Variants in METTL15 observed in about 807,000 individuals in gnomAD.
METTL15 encodes methyltransferase 15, mitochondrial 12S rRNA N4-cytidine.
Under a neutral mutation model 38.3 loss-of-function variants are expected in METTL15, and 34 were observed. The observed-to-expected ratio is 0.89, with a 90% confidence interval of 0.68 to 1.18. The LOEUF (loss-of-function observed/expected upper bound fraction) is 1.18. METTL15 is among the 50% of genes most tolerant of loss of function. The pLI is 0.00. For missense variants in METTL15, 438 were observed against 498.4 expected (o/e 0.88, Z 1.15); for synonymous variants, 162 against 170.9 (o/e 0.95, Z 0.41).
intron 3 of METTL15, among the ~76,000 whole-genome samples, chr11:28,179,716 G>C (rs370404062): frequency 9.9e-5 from 15 of 151,794 alleles, no homozygotes; most frequent in African/African-American, 3.6e-4. Context: ...TATGAATAAA[G>C]CTCATATGAA....
At chr11:28,384,477 T>G (rs898726484) in intron 5 of METTL15, among the ~76,000 whole-genome samples, 1 of 151,992 alleles carries the variant, frequency 6.6e-6, no homozygotes, top group Admixed American at 6.6e-5. Context: ...CCCGGCTAAT[T>G]TTTTTTATTT....
At chr11:28,459,572 C>T (rs1276776087) in intron 6 of METTL15, among the ~76,000 whole-genome samples, 2 of 152,152 alleles carry the variant, frequency 1.3e-5, no homozygotes, top group Non-Finnish European at 2.9e-5. Context: ...AATCAAGTTA[C>T]TCCTATGATC....
At chr11:28,480,191 A>T (rs1488875804) in intron 6 of METTL15, among the ~76,000 whole-genome samples, 1 of 152,216 alleles carries the variant, frequency 6.6e-6, no homozygotes, top group Non-Finnish European at 1.5e-5. Flanking sequence ...CATTTTCTTC[A>T]TCATATTCTT....
intron 5 of METTL15, among the ~76,000 whole-genome samples, chr11:28,421,779 C>T (rs1413275840): frequency 6.6e-6 from 1 of 151,924 alleles, no homozygotes. Flanking sequence ...AGATCTTGAA[C>T]ATGACAAGGA....
intron 6 of METTL15, among the ~76,000 whole-genome samples, chr11:28,434,139 G>A (rs1467709337): frequency 6.6e-6 from 1 of 152,104 alleles, no homozygotes; most frequent in Non-Finnish European, 1.5e-5. Context: ...TTTCCATCCT[G>A]TTCTTGTGAT....
intron 3 of METTL15, among the ~76,000 whole-genome samples, chr11:28,195,153 A>G (rs540466075): frequency 1.3e-5 from 2 of 152,280 alleles, no homozygotes; most frequent in South Asian, 2.1e-4. Context: ...TTGTACTGCA[A>G]TAAACATATG....
downstream of METTL15, among the ~76,000 whole-genome samples, chr11:28,530,705 A>T (rs75726712): frequency 1.3e-5 from 2 of 151,636 alleles, no homozygotes; most frequent in South Asian, 2.1e-4. Context: ...GAGATTTAGA[A>T]TTTTTTTTTC....
At chr11:28,329,673 A>G (rs987887788) in intron 6 of METTL15, among the ~76,000 whole-genome samples, 2 of 152,144 alleles carry the variant, frequency 1.3e-5, no homozygotes, top group Non-Finnish European at 2.9e-5. Flanking sequence ...TTATCACTTC[A>G]TTCCTATCTG....
intron 3 of METTL15, among the ~76,000 whole-genome samples, chr11:28,152,487 G>A (rs1173302666): frequency 6.6e-6 from 1 of 151,728 alleles, no homozygotes; most frequent in Non-Finnish European, 1.5e-5. Flanking sequence ...AATATAGTTT[G>A]ACAGAGAAAA....
chr11:28,447,490 A>G (rs752561568), intron 6 of METTL15, among the ~76,000 whole-genome samples: 17 of 152,166 alleles, frequency 1.1e-4, no homozygotes, highest in Non-Finnish European at 1.8e-4. Context: ...TAAAGTATTG[A>G]ATAACGAAAA....
chr11:28,497,296 G>A (rs1056165995), intron 6 of METTL15, among the ~76,000 whole-genome samples: 1 of 152,168 alleles, frequency 6.6e-6, no homozygotes, highest in Admixed American at 6.5e-5. Context: ...ATCTAATGAC[G>A]TGGTGCCACA....
intron 6 of METTL15, among the ~76,000 whole-genome samples, chr11:28,456,453 T>C (rs1025847354): frequency 4.4e-4 from 67 of 151,906 alleles, no homozygotes; most frequent in Non-Finnish European, 1.2e-4. Flanking sequence ...TTGTTTTGTT[T>C]TGTTTTGTTT....
At chr11:28,276,270 C>T (rs1009883478) in intron 4 of METTL15, among the ~76,000 whole-genome samples, 1 of 151,928 alleles carries the variant, frequency 6.6e-6, no homozygotes, top group Admixed American at 6.6e-5. Flanking sequence ...AATTAGCATA[C>T]AAAAGTCAGT....
intron 5 of METTL15, among the ~76,000 whole-genome samples, chr11:28,292,381 C>T (rs560582852): frequency 3.9e-4 from 60 of 152,114 alleles, no homozygotes; most frequent in Admixed American, 1.6e-3. Context: ...CTACAAAGGA[C>T]GTGAACTCAT....
chr11:28,219,926 C>G (rs1853111071), intron 4 of METTL15, among the ~76,000 whole-genome samples: 1 of 152,064 alleles, frequency 6.6e-6, no homozygotes, highest in South Asian at 2.1e-4. Context: ...GTCTGAGAGA[C>G]AGTTCGTTAT....
chr11:28,159,820 C>CT (rs1260009640), intron 3 of METTL15, among the ~76,000 whole-genome samples: 2 of 151,962 alleles, frequency 1.3e-5, no homozygotes, highest in African/African-American at 2.4e-5. Context: ...ACCTTATTGT[C>CT]TTTTTTTGAA....
chr11:28,453,387 A>G (rs1470311192), intron 6 of METTL15, among the ~76,000 whole-genome samples: 1 of 152,248 alleles, frequency 6.6e-6, no homozygotes, highest in Non-Finnish European at 1.5e-5. Context: ...AGCAAATGGA[A>G]ACAATAGCTG....
intron 5 of METTL15, among the ~76,000 whole-genome samples, chr11:28,409,827 A>G (rs897164485): frequency 6.6e-6 from 1 of 152,118 alleles, no homozygotes; most frequent in Non-Finnish European, 1.5e-5. Context: ...TAGAAAACAA[A>G]TTAACAAAAC....
chr11:28,420,931 T>A (rs76001999), intron 5 of METTL15, among the ~76,000 whole-genome samples: 2,950 of 151,898 alleles, frequency 0.019, 66 homozygotes, highest in African/African-American at 0.056. Context: ...TTGTTTTTTT[T>A]AAAAAGATAA....
Sources: gnomAD v4.1 joint callset for allele counts (sites outside exome capture counted in the v4.1 genomes callset) on GRCh38, gnomAD v4.1.1 for gene constraint, MANE v1.5 for transcripts, NCBI Gene and HGNC (gene_info 2026-07-23, HGNC 2026-07-21) for gene names.